The following FNDC3B variants were observed in gnomAD, a reference collection of about 807,000 sequenced individuals.
The protein encoded by FNDC3B is fibronectin type III domain-containing protein 3B.
FNDC3B carries 12 observed loss-of-function variants against 151.5 expected under a neutral mutation model. The observed-to-expected ratio is 0.08, with a 90% confidence interval of 0.05 to 0.13. FNDC3B has a LOEUF of 0.13. Among genes scored for constraint, FNDC3B ranks in the 10% least tolerant of loss-of-function variants. The pLI is 1.00. For synonymous variants in FNDC3B, 528 were observed against 549.0 expected (o/e 0.96, Z 0.54); for missense variants, 1,214 against 1,505.3 (o/e 0.81, Z 3.20).
chr3:172,136,974 G>C (rs923742157), intron 3 of FNDC3B, among the ~76,000 whole-genome samples: 1 of 152,188 alleles, frequency 6.6e-6, no homozygotes, highest in African/African-American at 2.4e-5. Flanking sequence ...AAAGTGCTGG[G>C]ATTACAGGCA....
chr3:172,336,094 T>C (rs1014996011), intron 15 of FNDC3B, among the ~76,000 whole-genome samples: 26 of 149,082 alleles, frequency 1.7e-4, no homozygotes, highest in African/African-American at 6.3e-4. Flanking sequence ...CTATAATATT[T>C]AACTTTATAA....
At chr3:172,086,817 A>G (rs1056537829) in intron 1 of FNDC3B, among the ~76,000 whole-genome samples, 1 of 152,234 alleles carries the variant, frequency 6.6e-6, no homozygotes, top group African/African-American at 2.4e-5. Flanking sequence ...TTTGAAGTGT[A>G]GTGTTAAAGA....
Position 172,102,666 on chromosome 3 carries a change from T to C in FNDC3B, c.-28-9786T>C, listed in dbSNP as rs75951215. ...TGGGACCTGTCAAAGTGCTGTGGGG[T>C]GCCAGGCAGGTGTAGTGCCCAAGGT... On this transcript the variant is annotated intron_variant, in intron 1 of 25. Transcript: ENST00000415807. Among the ~76,000 whole-genome samples the C allele has an allele frequency of 3.9e-3, 598 of 152,226 alleles. 6 individuals are homozygous for C. The highest frequency in any genetic ancestry group is 0.014 in the African/African-American group (566 of 41,534).
At chr3:172,192,898 G>A (rs1024367661) in intron 3 of FNDC3B, among the ~76,000 whole-genome samples, 2 of 151,954 alleles carry the variant, frequency 1.3e-5, no homozygotes, top group Non-Finnish European at 2.9e-5. Flanking sequence ...AAACCAACCA[G>A]TTTGAGTTTT....
At chr3:172,182,535 T>C (rs1723966237) in intron 3 of FNDC3B, among the ~76,000 whole-genome samples, 1 of 152,238 alleles carries the variant, frequency 6.6e-6, no homozygotes, top group Non-Finnish European at 1.5e-5. Flanking sequence ...GATACACTTT[T>C]GCTGGAGGCA....
chr3:172,118,017 A>G (rs1720349055), intron 2 of FNDC3B, among the ~76,000 whole-genome samples: 1 of 152,190 alleles, frequency 6.6e-6, no homozygotes, highest in African/African-American at 2.4e-5. Context: ...ATTCCTGTTG[A>G]TCAGCACTTA....
intron 4 of FNDC3B, among the ~76,000 whole-genome samples, chr3:172,231,704 T>G (rs1726898178): frequency 6.6e-6 from 1 of 152,116 alleles, no homozygotes; most frequent in African/African-American, 2.4e-5. Context: ...CATGCATTTC[T>G]GATTACACTG....
intron 23 of FNDC3B, among the ~76,000 whole-genome samples, chr3:172,366,104 A>G (rs1199312109): frequency 6.6e-6 from 1 of 152,186 alleles, no homozygotes; most frequent in Non-Finnish European, 1.5e-5. Flanking sequence ...TAAAAAAATA[A>G]GAAAAATACT....
intron 6 of FNDC3B, among the ~76,000 whole-genome samples, chr3:172,277,990 C>A (rs1384298989): frequency 6.6e-6 from 1 of 152,188 alleles, no homozygotes; most frequent in African/African-American, 2.4e-5. Flanking sequence ...CTTGAGCCCT[C>A]TGGATTTGAT....
chr3:172,184,475 A>G (rs991921242), intron 3 of FNDC3B: 1 of 152,264 alleles, frequency 6.6e-6, no homozygotes. Context: ...AGCCTAGGAC[A>G]GTATGAAGAA....
At chr3:172,106,032 T>G (rs1719627561) in intron 1 of FNDC3B, among the ~76,000 whole-genome samples, 1 of 152,242 alleles carries the variant, frequency 6.6e-6, no homozygotes, top group Admixed American at 6.5e-5. Context: ...CACAGTTAAC[T>G]ATAGTGGTAT....
In FNDC3B at chr3:172,400,263, A is replaced by C. The variant is rs1389026153; in HGVS notation, c.*2788A>C. 1 of 152,408 alleles carries C rather than the reference A, an allele frequency of 6.6e-6. No individual in the cohort carries two copies. The highest frequency in any genetic ancestry group is 1.5e-5 in the Non-Finnish European group (1 of 68,030). The allele number at this position is 152,408 out of a possible 1,614,324, so 9.4% of individuals were successfully genotyped here. A position where few individuals can be genotyped will look rare whatever the true frequency, so the allele number is the denominator to read the frequency against. On this transcript the variant is annotated 3_prime_UTR_variant, in exon 26 of 26. Transcript: ENST00000415807. ...TGAAGCAAACTGCCCTTTGTCCTCA[A>C]AGAAATTGTTGAAAAAGAAAACTTT...
chr3:172,287,045 A>T (rs1022061797), intron 7 of FNDC3B, among the ~76,000 whole-genome samples: 1 of 152,156 alleles, frequency 6.6e-6, no homozygotes, highest in Non-Finnish European at 1.5e-5. Flanking sequence ...ATCAAATGTC[A>T]AGGATAACTG....
At chr3:172,275,539 T>C (rs1254167167) in intron 6 of FNDC3B, among the ~76,000 whole-genome samples, 1 of 152,246 alleles carries the variant, frequency 6.6e-6, no homozygotes, top group African/African-American at 2.4e-5. Context: ...AATTCAGGAC[T>C]TCTTTTACAT....
At chr3:172,175,047 C>G (rs1412754957) in intron 3 of FNDC3B, among the ~76,000 whole-genome samples, 1 of 150,182 alleles carries the variant, frequency 6.7e-6, no homozygotes, top group Non-Finnish European at 1.5e-5. Flanking sequence ...CATCTTTGCT[C>G]CCTGACCAGG....
chr3:172,045,388 A>G (rs1006895231), intron 1 of FNDC3B, among the ~76,000 whole-genome samples: 3 of 152,176 alleles, frequency 2.0e-5, no homozygotes, highest in African/African-American at 7.2e-5. Context: ...TGAAGTGGGC[A>G]GGCCAGGCTT....
rs192612134 is a variant in FNDC3B, at chr3:172,331,578, T to C, written c.1554+863T>C. ...GGTTTCACCATGTTAGCCAGGATGG[T>C]CTCCATCTCCTAACCTCATGATCTG... On this transcript the variant is annotated intron_variant, in intron 13 of 25. Transcript: ENST00000415807. Among the ~76,000 whole-genome samples the C allele has an allele frequency of 3.4e-3, 524 of 152,180 alleles. 3 individuals carry two copies. Among genetic ancestry groups the C allele is most frequent in the African/African-American group, 0.012 (504 of 41,518 alleles).
chr3:172,285,055 T>C (rs1258658913), intron 6 of FNDC3B, among the ~76,000 whole-genome samples: 1 of 152,030 alleles, frequency 6.6e-6, no homozygotes, highest in South Asian at 2.1e-4. Flanking sequence ...CACTATTCTT[T>C]CATTTCTAAA....
At chr3:172,114,393 C>T (rs1230211801) in intron 2 of FNDC3B, among the ~76,000 whole-genome samples, 1 of 152,168 alleles carries the variant, frequency 6.6e-6, no homozygotes, top group African/African-American at 2.4e-5. Flanking sequence ...CAGATGTGGT[C>T]ACCTCATTCC....
Sources: allele counts gnomAD v4.1 joint callset (sites outside exome capture counted in the v4.1 genomes callset), GRCh38; gene constraint gnomAD v4.1.1; transcripts MANE v1.5; gene names NCBI Gene and HGNC (gene_info 2026-07-23, HGNC 2026-07-21).